TTBK2: variants seen among roughly 807,000 people sequenced by gnomAD.
TTBK2 encodes tau-tubulin kinase 2.
A neutral mutation model predicts 110.8 loss-of-function variants in TTBK2; 28 were observed. That is an observed-to-expected ratio of 0.25 (90% confidence interval 0.19 to 0.35). The LOEUF is 0.35. Ranked by LOEUF, TTBK2 falls within the 10% of genes least tolerant of loss-of-function variation. The probability of loss-of-function intolerance (pLI) is 1.00; values close to 1 mark genes in which losing one functional copy is unlikely to be tolerated. For synonymous variants in TTBK2, 532 were observed against 527.3 expected (o/e 1.01, Z -0.12); for missense variants, 1,369 against 1,500.3 (o/e 0.91, Z 1.45).
At chr15:42,910,280 A>G (rs78805688) in intron 1 of TTBK2, among the ~76,000 whole-genome samples, 34 of 152,058 alleles carry the variant, frequency 2.2e-4, no homozygotes, top group Non-Finnish European at 8.8e-5. Context: ...AAAAAAAAAA[A>G]GCCAGCTAAC....
At chr15:42,847,570 G>A (rs1482981994) in intron 3 of TTBK2, among the ~76,000 whole-genome samples, 1 of 152,220 alleles carries the variant, frequency 6.6e-6, no homozygotes, top group Non-Finnish European at 1.5e-5. Flanking sequence ...ACATTTAGAT[G>A]TGTGGCACAT....
chr15:42,879,894 G>A (rs1244008867), intron 1 of TTBK2, among the ~76,000 whole-genome samples: 1 of 151,698 alleles, frequency 6.6e-6, no homozygotes, highest in East Asian at 1.9e-4. Flanking sequence ...CTACTCAGGA[G>A]TCTGAGCGGG....
chr15:42,768,640 T>C (rs1038283251), intron 13 of TTBK2, among the ~76,000 whole-genome samples: 2 of 152,126 alleles, frequency 1.3e-5, no homozygotes, highest in Admixed American at 6.5e-5. Flanking sequence ...ACATTCCATG[T>C]TCATGGATAG....
chr15:42,846,220 T>TGTCACCA (rs1224481633), intron 3 of TTBK2, among the ~76,000 whole-genome samples: 6 of 151,404 alleles, frequency 4.0e-5, no homozygotes, highest in African/African-American at 1.5e-4. Flanking sequence ...TGAGACAGTC[T>TGTCACCA]GCTCTGTCAC....
chr15:42,746,247 A>G lies in TTBK2; in HGVS notation c.3283T>C (p.Tyr1095His), dbSNP rs1168663065. 2 of 1,612,684 alleles carry G rather than the reference A, an allele frequency of 1.2e-6. No individual in the cohort carries two copies. Among genetic ancestry groups the G allele is most frequent in the South Asian group, 1.1e-5 (1 of 91,012 alleles). ...RPGVEARLRRYKVLGSSNSDS... is the reference protein window; with the variant it reads ...RPGVEARLRRHKVLGSSNSDS... ...GAGTTACTACTCCCTAGGACTTTAT[A>G]TCTGCGTAGCCTTAAAAGAACAGAG... The change falls in exon 15 of 15, where the codon TAT (tyrosine) becomes CAT (histidine). Residue 1095 changes from tyrosine (Y) to histidine (H), a missense_variant. Transcript: ENST00000267890.
intron 3 of TTBK2, among the ~76,000 whole-genome samples, chr15:42,845,925 T>C (rs1893441618): frequency 6.6e-6 from 1 of 152,128 alleles, no homozygotes; most frequent in Non-Finnish European, 1.5e-5. Flanking sequence ...ACCACAACGG[T>C]TAAGTATTTA....
At position 42,872,737 on chromosome 15, in the gene TTBK2, C is replaced by T; in HGVS notation, c.91G>A (p.Gly31Ser). The change falls in exon 3 of 15, where the codon GGC becomes AGC. Residue 31 changes from glycine (G) to serine (S), a missense_variant. Physicochemically the swap from Gly to Ser is moderately conservative, Grantham distance 56. This residue lies in a region of TTBK2 where 122 missense variants were observed against 159.7 expected (regional missense o/e 0.76). Coordinates refer to ENST00000267890, the MANE Select transcript of TTBK2 (RefSeq NM_173500.4). The stretch of plus-strand genomic sequence containing the variant: ...AAGGCATCGTAAATTTCTCCAAAGC[C>T]CCCACCCCCAATCTTTCTCAACTGC... ...WKVLRKIGGGGFGEIYDALDM... is the reference protein window; with the variant it reads ...WKVLRKIGGGSFGEIYDALDM... 2 of 1,613,944 alleles carry T rather than the reference C, an allele frequency of 1.2e-6. No homozygotes were observed. Among genetic ancestry groups the T allele is most frequent in the Non-Finnish European group, 1.7e-6 (2 of 1,179,982 alleles).
intron 13 of TTBK2, among the ~76,000 whole-genome samples, chr15:42,774,471 G>A (rs905814637): frequency 2.0e-5 from 3 of 152,064 alleles, no homozygotes; most frequent in African/African-American, 4.8e-5. Context: ...GCCCAAAACT[G>A]AAAATAAACA....
In TTBK2 at chr15:42,752,378, C is replaced by T; in HGVS notation, c.2868G>A (p.Leu956=). Residue 956 remains leucine (L), a synonymous_variant, in exon 14 of 15, where the codon TTG becomes TTA. Transcript: ENST00000267890. ...TTGCAGAAACTGGAGAGGATGATTC[C>T]AAAGTTGAGTCTATCTCTTGTGCTA... ...PVLAQEIDST[L]ESSSPVSAKE... 6.2e-7 allele frequency: 1 copy of T among 1,614,156 alleles called. No individual in the cohort carries two copies. Among genetic ancestry groups the T allele is most frequent in the Middle Eastern group, 1.6e-4 (1 of 6,062 alleles).
rs185540732 is a variant in TTBK2 at position 42,849,229 on chromosome 15, C to A, written c.218-8796G>T. Among the ~76,000 whole-genome samples, 45 of 151,956 alleles carry A rather than the reference C, an allele frequency of 3.0e-4. No homozygotes were observed. In the Middle Eastern group the frequency reaches 0.01, roughly 34 times the overall value. On this transcript the variant is annotated intron_variant, in intron 3 of 14. Transcript: ENST00000267890. ...TGATCTGTTTTCAAGTTCACTGAAT[C>A]TTTCATCTATCATGTCCATTCTGCT... is the stretch of plus-strand genomic sequence containing the variant.
At chr15:42,820,097 A>T (rs889110423) in intron 6 of TTBK2, among the ~76,000 whole-genome samples, 1 of 152,228 alleles carries the variant, frequency 6.6e-6, no homozygotes, top group African/African-American at 2.4e-5. Flanking sequence ...GAAAACAGAA[A>T]TCAGCTGTTT....
chr15:42,804,358 T>C (rs1382000903), intron 9 of TTBK2, among the ~76,000 whole-genome samples: 1 of 151,926 alleles, frequency 6.6e-6, no homozygotes, highest in Non-Finnish European at 1.5e-5. Flanking sequence ...GCAGAATTGC[T>C]TGAACCCAGG....
At chr15:42,866,208 G>C (rs1894366017) in intron 3 of TTBK2, among the ~76,000 whole-genome samples, 1 of 152,130 alleles carries the variant, frequency 6.6e-6, no homozygotes, top group Non-Finnish European at 1.5e-5. Flanking sequence ...GGAGGCTGAG[G>C]CAGGAGGATC....
intron 3 of TTBK2, among the ~76,000 whole-genome samples, chr15:42,861,833 G>A (rs1268731597): frequency 6.6e-6 from 1 of 152,040 alleles, no homozygotes; most frequent in Non-Finnish European, 1.5e-5. Context: ...AAACAAGATT[G>A]ACAGCACTAG....
In TTBK2 at chr15:42,753,221, T is replaced by A; in HGVS notation, c.2025A>T (p.Ala675=). 1 of 1,613,972 alleles carries A rather than the reference T, an allele frequency of 6.2e-7. No individual in the cohort carries two copies. The highest frequency in any genetic ancestry group is 1.1e-5 in the South Asian group (1 of 91,030). Residue 675 remains alanine (A), a synonymous_variant, in exon 14 of 15, where the codon GCA becomes GCT. Coordinates refer to ENST00000267890, the MANE Select transcript of TTBK2 (RefSeq NM_173500.4). ...TAITIPRPSV[A]STQSTSGSFH... ...AGCTTCCTGAAGTTGACTGTGTAGATGCCACAGAAGGTCTAGGAATTGTAA... is the reference window on the plus strand; with the variant it reads ...AGCTTCCTGAAGTTGACTGTGTAGAAGCCACAGAAGGTCTAGGAATTGTAA...
Position 42,745,890 on chromosome 15 carries a change from T to A in TTBK2, c.3640A>T (p.Asn1214Tyr). Residue 1214 changes from asparagine (N) to tyrosine (Y), a missense_variant, in exon 15 of 15, where the codon AAT becomes TAT. By Grantham distance (143) the Asn-to-Tyr change is moderately radical. Around this residue, in one of 4 missense-constraint regions of TTBK2, gnomAD observed 1,097 missense variants for 1,114.7 expected, o/e 0.98. Coordinates refer to ENST00000267890, the MANE Select transcript of TTBK2 (RefSeq NM_173500.4). The part of the protein sequence containing the change: ...CQQEHCKPSK[N>Y]GLKGSGSLHH... ...AGGCTGCCGGATCCTTTCAGGCCAT[T>A]CTTGCTGGGTTTGCAATGCTCCTGT... The A allele has an allele frequency of 1.2e-6, 2 of 1,614,134 alleles. No homozygotes were observed. Among genetic ancestry groups the A allele is most frequent in the Non-Finnish European group, 8.5e-7 (1 of 1,180,046 alleles).
intron 13 of TTBK2, among the ~76,000 whole-genome samples, chr15:42,758,874 G>C (rs1421680753): frequency 1.3e-5 from 2 of 152,104 alleles, no homozygotes; most frequent in Non-Finnish European, 1.5e-5. Context: ...CTGGAGCCTG[G>C]AGCCTAGTTT....
At chr15:42,761,966 G>A (rs1041836768) in intron 13 of TTBK2, among the ~76,000 whole-genome samples, 22 of 152,256 alleles carry the variant, frequency 1.4e-4, no homozygotes, top group East Asian at 5.8e-4. Context: ...TGCTGTTCTC[G>A]TGATAGTGAG....
intron 3 of TTBK2, among the ~76,000 whole-genome samples, chr15:42,844,069 T>C (rs2141025388): frequency 6.6e-6 from 1 of 152,240 alleles, no homozygotes; most frequent in South Asian, 2.1e-4. Flanking sequence ...TCATCCTCAA[T>C]GAGCCACACT....
Sources: allele counts gnomAD v4.1 joint callset (sites outside exome capture counted in the v4.1 genomes callset), GRCh38; gene constraint gnomAD v4.1.1; regional missense constraint gnomAD v4.1.1; transcripts MANE v1.5; gene names NCBI Gene and HGNC (gene_info 2026-07-23, HGNC 2026-07-21).